The following KDM4C variants were observed in gnomAD, a reference collection of about 807,000 sequenced individuals.
The protein encoded by KDM4C is lysine-specific demethylase 4C.
KDM4C carries 81 observed loss-of-function variants against 129.3 expected under a neutral mutation model. That is an observed-to-expected ratio of 0.63 (90% confidence interval 0.52 to 0.75). The LOEUF (loss-of-function observed/expected upper bound fraction) is 0.75. KDM4C is among the 30% of genes least tolerant of loss of function. The pLI, the probability that KDM4C is intolerant of heterozygous loss-of-function variation, is 0.00. For missense variants in KDM4C, 1,457 were observed against 1,304.0 expected, an observed-to-expected ratio of 1.12 and a Z score of -1.81; for synonymous variants, 573 against 456.1, an observed-to-expected ratio of 1.26 and a Z score of -3.26.
At chr9:6,784,335 T>C (rs902061960) in intron 1 of KDM4C, among the ~76,000 whole-genome samples, 7 of 152,156 alleles carry the variant, frequency 4.6e-5, no homozygotes, top group African/African-American at 1.7e-4. Flanking sequence ...AGGTCTGTTA[T>C]GTCCTGCCTC....
At chr9:6,966,457 A>G (rs1589365883) in intron 8 of KDM4C, among the ~76,000 whole-genome samples, 1 of 152,258 alleles carries the variant, frequency 6.6e-6, no homozygotes, top group African/African-American at 2.4e-5. Flanking sequence ...GGCGTGAGCC[A>G]CCGCGCCGGG....
intron 17 of KDM4C, among the ~76,000 whole-genome samples, chr9:7,085,539 C>T (rs544621863): frequency 1.3e-5 from 2 of 152,096 alleles, no homozygotes; most frequent in African/African-American, 4.8e-5. Context: ...TGGAACAGCT[C>T]TGGTCTAGGA....
In KDM4C at chr9:6,934,247, G is replaced by C. The variant is rs558944825; in HGVS notation, c.921+41015G>C. 2.0e-5 allele frequency among the ~76,000 whole-genome samples: 3 copies of C among 151,866 alleles called. No individual in the cohort carries two copies. The East Asian group carries it at 6.0e-4, about 30-fold the overall frequency. On this transcript the variant is annotated intron_variant, in intron 8 of 21. Coordinates refer to ENST00000381309, the MANE Select transcript of KDM4C (RefSeq NM_015061.6). ...CGGTAATCCTATCACTTTGGGAGGC[G>C]GAGGCAGGCTGATCATGAAGTCAGG...
chr9:6,803,875 G>C (rs140387144), intron 2 of KDM4C, among the ~76,000 whole-genome samples: 3 of 152,088 alleles, frequency 2.0e-5, no homozygotes, highest in Non-Finnish European at 4.4e-5. Flanking sequence ...AGACTGGAGT[G>C]CAGTGGTGTG....
At chr9:7,059,283 G>T (rs930654519) in intron 17 of KDM4C, among the ~76,000 whole-genome samples, 1 of 151,980 alleles carries the variant, frequency 6.6e-6, no homozygotes, top group Non-Finnish European at 1.5e-5. Flanking sequence ...AAATTTTTTT[G>T]GTAAAGATGA....
intron 4 of KDM4C, among the ~76,000 whole-genome samples, chr9:6,844,828 C>T (rs1314291074): frequency 6.6e-6 from 1 of 152,158 alleles, no homozygotes; most frequent in Non-Finnish European, 1.5e-5. Context: ...GCTGGGATTA[C>T]AGGTGTGTGC....
At chr9:6,741,757 A>G (rs931935783) in intron 1 of KDM4C, among the ~76,000 whole-genome samples, 2 of 146,860 alleles carry the variant, frequency 1.4e-5, no homozygotes, top group African/African-American at 5.1e-5. Flanking sequence ...TAATAGAGAC[A>G]GGGTCTAACT....
At chr9:7,111,351 G>A (rs1826825551) in intron 18 of KDM4C, among the ~76,000 whole-genome samples, 1 of 152,142 alleles carries the variant, frequency 6.6e-6, no homozygotes, top group South Asian at 2.1e-4. Flanking sequence ...TAAGATTTGG[G>A]AAACTAAATC....
At chr9:6,979,059 G>C (rs936779319) in intron 8 of KDM4C, among the ~76,000 whole-genome samples, 1 of 152,160 alleles carries the variant, frequency 6.6e-6, no homozygotes, top group Non-Finnish European at 1.5e-5. Context: ...GCTCATTAAA[G>C]TGGGGAGCAT....
At chr9:7,092,307 C>G (rs1835900713) in intron 17 of KDM4C, among the ~76,000 whole-genome samples, 1 of 152,142 alleles carries the variant, frequency 6.6e-6, no homozygotes, top group African/African-American at 2.4e-5. Flanking sequence ...AGAGCTGGGA[C>G]TCCTATGCAC....
chr9:6,851,284 G>T (rs552913591), intron 5 of KDM4C, among the ~76,000 whole-genome samples: 3 of 152,276 alleles, frequency 2.0e-5, no homozygotes, highest in Admixed American at 2.0e-4. Context: ...CAGCACTCAG[G>T]TGTTATTTGT....
chr9:7,000,309 C>G (rs775810726), intron 12 of KDM4C, among the ~76,000 whole-genome samples: 4 of 152,114 alleles, frequency 2.6e-5, no homozygotes, highest in Non-Finnish European at 5.9e-5. Context: ...GACAAAAATG[C>G]TGGCTTTATA....
At chr9:6,868,868 T>G (rs1467725444) in intron 5 of KDM4C, among the ~76,000 whole-genome samples, 1 of 152,088 alleles carries the variant, frequency 6.6e-6, no homozygotes, top group African/African-American at 2.4e-5. Context: ...TCAACTAATT[T>G]AGAATACCTT....
At chr9:6,778,092 C>CTTT (rs760255723) in intron 1 of KDM4C, among the ~76,000 whole-genome samples, 2 of 131,822 alleles carry the variant, frequency 1.5e-5, no homozygotes, top group African/African-American at 2.8e-5. Flanking sequence ...CTAATTTTTT[C>CTTT]TTTTTTTTTT....
At chr9:7,092,975 T>C (rs575980418) in intron 17 of KDM4C, among the ~76,000 whole-genome samples, 4 of 152,292 alleles carry the variant, frequency 2.6e-5, no homozygotes, top group African/African-American at 9.6e-5. Context: ...TGGCCTAGCA[T>C]CCACAAAATA....
intron 4 of KDM4C, among the ~76,000 whole-genome samples, chr9:6,818,385 G>T (rs1354087873): frequency 1.3e-5 from 2 of 152,198 alleles, no homozygotes; most frequent in East Asian, 1.9e-4. Flanking sequence ...TGAGCTAAAT[G>T]TAAGTTTAGC....
rs12237670 is a variant in KDM4C, at chr9:6,952,440, T to A, written c.922-28485T>A. 4.9e-3 allele frequency among the ~76,000 whole-genome samples: 736 copies of A among 149,320 alleles called. 9 individuals are homozygous for A. Among genetic ancestry groups the A allele is most frequent in the East Asian group, 0.021 (107 of 5,134 alleles). ...ATATATATATATATATAATAATAAT[T>A]ATTATTATATGTTTTTTTGAGATGG... On this transcript the variant is annotated intron_variant, in intron 8 of 21. Transcript: ENST00000381309.
At chr9:6,882,297 G>T (rs1476316453) in intron 6 of KDM4C, among the ~76,000 whole-genome samples, 1 of 152,302 alleles carries the variant, frequency 6.6e-6, no homozygotes, top group Non-Finnish European at 1.5e-5. Context: ...ATATGGAGGA[G>T]AAGAGAGTTA....
At chr9:7,067,783 A>G (rs1832638246) in intron 17 of KDM4C, among the ~76,000 whole-genome samples, 2 of 151,984 alleles carry the variant, frequency 1.3e-5, no homozygotes, top group Non-Finnish European at 2.9e-5. Flanking sequence ...TTGTTAACAT[A>G]TTGGAGTAAT....
Sources: gnomAD v4.1 joint callset for allele counts (sites outside exome capture counted in the v4.1 genomes callset) on GRCh38, gnomAD v4.1.1 for gene constraint, MANE v1.5 for transcripts, NCBI Gene and HGNC (gene_info 2026-07-23, HGNC 2026-07-21) for gene names.